Variants in COL3A1 observed in about 807,000 individuals in gnomAD.
COL3A1 encodes the protein collagen alpha-1(III) chain.
Under a neutral mutation model 200.9 loss-of-function variants are expected in COL3A1, and 46 were observed. The ratio of observed to expected loss-of-function variants is 0.23; its 90% CI spans 0.18 to 0.29. The LOEUF (loss-of-function observed/expected upper bound fraction) is 0.29, where lower values mean the gene tolerates loss of function less well. COL3A1 is among the 10% of genes least tolerant of loss of function. The pLI, the probability that COL3A1 is intolerant of heterozygous loss-of-function variation, is 1.00. For missense variants in COL3A1, 1,367 were observed against 1,917.6 expected (o/e 0.71, Z 5.36); for synonymous variants, 650 against 628.0 (o/e 1.03, Z -0.52).
At position 189,003,038 on chromosome 2, in the gene COL3A1, A is replaced by G; in HGVS notation, c.2529A>G (p.Gly843=). 1.3e-6 allele frequency: 2 copies of G among 1,550,892 alleles called. No homozygotes were observed. Among genetic ancestry groups the G allele is most frequent in the Non-Finnish European group, 1.7e-6 (2 of 1,146,730 alleles). Residue 843 remains glycine, a synonymous_variant, in exon 36 of 51, where the codon GGA becomes GGG. Coordinates refer to ENST00000304636, the MANE Select transcript of COL3A1 (RefSeq NM_000090.4). ...AAGGAGGCCCTCCTGGAGTTGCAGG[A>G]CCCCCTGGAGGTTCTGGACCTGCTG... is the stretch of plus-strand genomic sequence containing the variant. ...KGEGGPPGVA[G]PPGGSGPAGP... is the part of the protein sequence containing the mutation.
intron 28 of COL3A1, 114 bp downstream of exon 28, chr2:188,998,433 A>G (rs922315467): frequency 9.7e-7 from 1 of 1,029,782 alleles, no homozygotes; most frequent in Non-Finnish European, 1.5e-6. Context: ...TTTAACATTT[A>G]GTTTTGAAAT....
intron 4 of COL3A1, 118 bp from the exon 5 acceptor site, chr2:188,986,941 T>G: frequency 1.2e-6 from 1 of 838,620 alleles, no homozygotes; most frequent in East Asian, 2.5e-5. Flanking sequence ...TACCACATCT[T>G]TTGGCACACA....
At chr2:188,990,025 C>T in intron 8 of COL3A1, 71 bp from the exon 9 acceptor site, 1 of 1,381,618 alleles carries the variant, frequency 7.2e-7, no homozygotes, top group South Asian at 1.2e-5. Context: ...GCAAAGTAAC[C>T]ATTTTGCTTA....
At chr2:188,987,358 A>G (rs905839753) in intron 5 of COL3A1, among the ~76,000 whole-genome samples, 8 of 151,996 alleles carry the variant, frequency 5.3e-5, no homozygotes, top group African/African-American at 1.9e-4. Flanking sequence ...TTTTTACTAA[A>G]AAAAAAAACC....
Position 188,984,950 on chromosome 2 carries a change from G to T in COL3A1, c.270G>T (p.Gln90His). 1 of 1,612,788 alleles carries T rather than the reference G, an allele frequency of 6.2e-7. No homozygotes were observed. ...GAGAATGTTGTGCAGTTTGCCCACA[G>T]CCTCCAACTGCTGTGAGTTTAAAGA... Reference protein sequence around the residue: ...PFGECCAVCPQPPTAPTRPPN... With the variant: ...PFGECCAVCPHPPTAPTRPPN... Residue 90 changes from glutamine to histidine, a missense_variant, in exon 2 of 51, where the codon CAG becomes CAT. Physicochemically the swap from Gln to His is conservative, Grantham distance 24. Around this residue, in one of 5 missense-constraint regions of COL3A1, gnomAD observed 462 missense variants for 681.4 expected, o/e 0.68. Coordinates refer to ENST00000304636, the MANE Select transcript of COL3A1 (RefSeq NM_000090.4).
At chr2:189,007,403 A>G (rs1426968855) in intron 44 of COL3A1, 97 bp from the exon 45 acceptor site, 5 of 977,452 alleles carry the variant, frequency 5.1e-6, no homozygotes, top group Non-Finnish European at 4.6e-6. Context: ...TTTAGCTGAT[A>G]GAAAGCCATA....
intron 43 of COL3A1, 126 bp from the exon 44 acceptor site, chr2:189,006,811 C>A: frequency 9.9e-7 from 1 of 1,014,272 alleles, no homozygotes; most frequent in Non-Finnish European, 1.5e-6. Context: ...ACAATATTAA[C>A]TTCCAATAAT....
Position 188,974,487 on chromosome 2 carries a change from G to C in COL3A1, c.-3G>C. The C allele has an allele frequency of 6.2e-7, 1 of 1,612,804 alleles. No homozygotes were observed. Among genetic ancestry groups the C allele is most frequent in the Non-Finnish European group, 8.5e-7 (1 of 1,178,890 alleles). On this transcript the variant is annotated 5_prime_UTR_variant, in exon 1 of 51. The change abolishes the stop of an existing upstream ORF in the 5' untranslated region. Coordinates refer to ENST00000304636, the MANE Select transcript of COL3A1 (RefSeq NM_000090.4). ...CAAAGAGTCTCATGTCTGATATTTAGACATGATGAGCTTTGTGCAAAAGGG... is the reference window on the plus strand; with the variant it reads ...CAAAGAGTCTCATGTCTGATATTTACACATGATGAGCTTTGTGCAAAAGGG...
chr2:189,001,856 G>A (rs1688473655), intron 34 of COL3A1, among the ~76,000 whole-genome samples: 1 of 152,120 alleles, frequency 6.6e-6, no homozygotes, highest in Non-Finnish European at 1.5e-5. Context: ...GTACATGTTT[G>A]TAATTAGGTA....
intron 38 of COL3A1, 73 bp downstream of exon 38, chr2:189,003,860 C>G (rs1688526247): frequency 1.3e-6 from 2 of 1,584,414 alleles, no homozygotes; most frequent in East Asian, 4.5e-5. Flanking sequence ...GGATGAGAAA[C>G]TTACACATTG....
intron 23 of COL3A1, 89 bp downstream of exon 23, chr2:188,996,267 TGTG>T: frequency 1.1e-6 from 1 of 926,904 alleles, no homozygotes; most frequent in Non-Finnish European, 1.6e-6. Flanking sequence ...TGTGTGTGTG[TGTG>T]TATATATATA....
intron 9 of COL3A1, 28 bp downstream of exon 9, chr2:188,990,177 T>C: frequency 1.2e-6 from 2 of 1,611,512 alleles, no homozygotes; most frequent in Non-Finnish European, 1.7e-6. Context: ...AATAAATTAA[T>C]TGGAATAATC....
chr2:188,993,438 C>T lies in COL3A1; in HGVS notation c.1128C>T (p.His376=), dbSNP rs771015742. The T allele has an allele frequency of 6.4e-5, 100 of 1,556,520 alleles. 1 individual carries two copies. The highest frequency in any genetic ancestry group is 3.4e-4 in the South Asian group (29 of 84,300). Residue 376 remains histidine (H), a synonymous_variant, in exon 16 of 51, where the codon CAC becomes CAT. Coordinates refer to ENST00000304636, the MANE Select transcript of COL3A1 (RefSeq NM_000090.4). ...GQRGEPGPQG[H]AGAQGPPGPP... is the part of the protein sequence containing the mutation. Reference sequence around the variant, plus strand: ...GAGGAGAACCTGGACCTCAGGGACACGCTGGTGCTCAAGGTCCTCCTGTAA... The same window carrying T: ...GAGGAGAACCTGGACCTCAGGGACATGCTGGTGCTCAAGGTCCTCCTGTAA...
chr2:188,996,311 C>CAG, intron 23 of COL3A1, 87 bp from the exon 24 acceptor site: 1 of 971,608 alleles, frequency 1.0e-6, no homozygotes, highest in Non-Finnish European at 1.6e-6. Context: ...TATATACACA[C>CAG]ACACACACAC....
In COL3A1 at chr2:188,984,443, T is replaced by C. The variant is rs140046911; in HGVS notation, c.80-317T>C. ...GAGCTTATTTTCAATGTTCCTTTAATAAATAAATGTTTAAATGCTTGTGTG... is the reference window on the plus strand; with the variant it reads ...GAGCTTATTTTCAATGTTCCTTTAACAAATAAATGTTTAAATGCTTGTGTG... On this transcript the variant is annotated intron_variant, in intron 1 of 50. Transcript: ENST00000304636. 1.6e-4 allele frequency among the ~76,000 whole-genome samples: 25 copies of C among 152,160 alleles called. No individual in the cohort carries two copies. The East Asian group carries it at 4.6e-3, about 28-fold the overall frequency.
At position 188,985,785 on chromosome 2, in the gene COL3A1, C is replaced by G. The variant is rs1559053025; in HGVS notation, c.447+7C>G. The G allele has an allele frequency of 5.0e-6, 8 of 1,585,442 alleles. No homozygotes were observed. Among genetic ancestry groups the G allele is most frequent in the Non-Finnish European group, 6.1e-6 (7 of 1,155,072 alleles). On this transcript the variant is annotated splice_region_variant and intron_variant, in intron 4 of 50. Coordinates refer to ENST00000304636, the MANE Select transcript of COL3A1 (RefSeq NM_000090.4). ...ATGCCCTACTGGTCCTCAGGTATAA[C>G]AATTACGGTACTTAAAAAATTCCCT...
At chr2:189,009,575 A>G (rs572905863) in intron 48 of COL3A1, among the ~76,000 whole-genome samples, 2 of 152,322 alleles carry the variant, frequency 1.3e-5, no homozygotes, top group African/African-American at 4.8e-5. Context: ...ACTTATTGCA[A>G]TGAATCTAAT....
chr2:188,986,986 C>A, intron 4 of COL3A1, 73 bp from the exon 5 acceptor site: 2 of 1,371,916 alleles, frequency 1.5e-6, no homozygotes, highest in Non-Finnish European at 2.1e-6. Flanking sequence ...GTTGCATGCA[C>A]TTCTAAATGC....
Position 188,982,610 on chromosome 2 carries a change from G to A in COL3A1, c.80-2150G>A, listed in dbSNP as rs187310916. ...ATAATCCACGTGCTGTATTAAGTGTGAAAAGATATGCCTGATCCAGAGGCA... is the reference window on the plus strand; with the variant it reads ...ATAATCCACGTGCTGTATTAAGTGTAAAAAGATATGCCTGATCCAGAGGCA... On this transcript the variant is annotated intron_variant, in intron 1 of 50. Transcript: ENST00000304636. Among the ~76,000 whole-genome samples the A allele has an allele frequency of 6.6e-5, 10 of 151,906 alleles. No homozygotes were observed. In the East Asian group the frequency reaches 1.9e-3, roughly 29 times the overall value.
Sources: allele counts gnomAD v4.1 joint callset (sites outside exome capture counted in the v4.1 genomes callset), GRCh38; gene constraint gnomAD v4.1.1; regional missense constraint gnomAD v4.1.1; transcripts MANE v1.5; gene names NCBI Gene and HGNC (gene_info 2026-07-23, HGNC 2026-07-21).